SULF2: variants seen among roughly 807,000 people sequenced by gnomAD.
SULF2 encodes extracellular sulfatase Sulf-2.
Under a neutral mutation model 107.7 loss-of-function variants are expected in SULF2, and 52 were observed. That is an observed-to-expected ratio of 0.48 (90% CI 0.39 to 0.61). The LOEUF is 0.61. SULF2 is among the 20% of genes least tolerant of loss of function. SULF2 has a pLI of 0.00. For synonymous variants in SULF2, 460 were observed against 464.3 expected, an observed-to-expected ratio of 0.99 and a Z score of 0.12; for missense variants, 993 against 1,177.3, an observed-to-expected ratio of 0.84 and a Z score of 2.29.
intron 3 of SULF2, among the ~76,000 whole-genome samples, chr20:47,727,934 T>G (rs995529904): frequency 1.8e-4 from 27 of 152,204 alleles, no homozygotes; most frequent in African/African-American, 6.3e-4. Flanking sequence ...GAAATTTCGC[T>G]TGAAGATGTG....
intron 1 of SULF2, among the ~76,000 whole-genome samples, chr20:47,765,132 A>G (rs2090500781): frequency 6.6e-6 from 1 of 152,082 alleles, no homozygotes; most frequent in South Asian, 2.1e-4. Flanking sequence ...CGGGCGGATC[A>G]CGAGGTCAGG....
chr20:47,698,267 C>G (rs2088449875), intron 4 of SULF2, among the ~76,000 whole-genome samples: 1 of 152,214 alleles, frequency 6.6e-6, no homozygotes, highest in Non-Finnish European at 1.5e-5. Flanking sequence ...CTATTCCCAG[C>G]CAACGTTCCA....
At chr20:47,718,066 C>T (rs1436105976) in intron 3 of SULF2, among the ~76,000 whole-genome samples, 1 of 152,132 alleles carries the variant, frequency 6.6e-6, no homozygotes, top group East Asian at 1.9e-4. Flanking sequence ...ATCCACCTGC[C>T]TCGGCCTCCC....
At chr20:47,702,769 G>T in intron 3 of SULF2, 99 bp from the exon 4 acceptor site, 1 of 1,124,262 alleles carries the variant, frequency 8.9e-7, no homozygotes, top group Non-Finnish European at 1.3e-6. Flanking sequence ...CACCTGCTCT[G>T]CCATGGAGCC....
chr20:47,684,252 G>C (rs1364164217), intron 6 of SULF2, 179 bp downstream of exon 6: 1 of 567,048 alleles, frequency 1.8e-6, no homozygotes, highest in South Asian at 2.8e-5. Flanking sequence ...TTTCATGAAG[G>C]AAGAGGCTTT....
intron 3 of SULF2, among the ~76,000 whole-genome samples, chr20:47,710,826 T>C (rs1049651139): frequency 2.6e-5 from 4 of 152,196 alleles, no homozygotes; most frequent in African/African-American, 7.2e-5. Context: ...CAGGCAGCTC[T>C]ACGGTGGAGG....
At chr20:47,677,415 TGTGTGTGTGTGTGTGC>T (rs1385826932) in intron 8 of SULF2, among the ~76,000 whole-genome samples, 2 of 144,370 alleles carry the variant, frequency 1.4e-5, no homozygotes, top group African/African-American at 5.1e-5. Context: ...TGTGTGTGTG[TGTGTGTGTGTGTGTGC>T]GCGCACACAC....
intron 3 of SULF2, among the ~76,000 whole-genome samples, chr20:47,713,210 G>A (rs753466728): frequency 6.6e-6 from 1 of 152,170 alleles, no homozygotes; most frequent in Non-Finnish European, 1.5e-5. Context: ...CCCTGCAGGG[G>A]ACACTGGGCA....
At chr20:47,685,573 G>A (rs1215994454) in intron 5 of SULF2, 1 of 152,062 alleles carries the variant, frequency 6.6e-6, no homozygotes, top group East Asian at 1.9e-4. Context: ...GGAGTGCAGT[G>A]GTGGGATCTC....
At chr20:47,696,640 A>G (rs1209436091) in intron 4 of SULF2, among the ~76,000 whole-genome samples, 1 of 152,258 alleles carries the variant, frequency 6.6e-6, no homozygotes, top group Non-Finnish European at 1.5e-5. Flanking sequence ...CAAATGAATC[A>G]GTAATATACA....
rs1364554250 is a variant in SULF2 at position 47,710,282 on chromosome 20, C to T, written c.416-7612G>A. 7.4e-5 allele frequency among the ~76,000 whole-genome samples: 11 copies of T among 148,556 alleles called. 1 individual carries two copies. Among genetic ancestry groups the T allele is most frequent in the African/African-American group, 2.9e-4 (11 of 38,354 alleles). ...GGAACTCCTGGGCTCAAGTGATCCT[C>T]CCGCCTTGGCCTCCCAAGGTGCTGG... On this transcript the variant is annotated intron_variant, in intron 3 of 20. Transcript: ENST00000688720.
chr20:47,746,998 T>A (rs1038457752), intron 2 of SULF2, among the ~76,000 whole-genome samples: 9,186 of 117,284 alleles, frequency 0.078, 287 homozygotes, highest in East Asian at 0.11. Flanking sequence ...AAAAAAAATA[T>A]ATATATATAT....
chr20:47,684,273 G>A, intron 6 of SULF2, 158 bp downstream of exon 6: 1 of 701,318 alleles, frequency 1.4e-6, no homozygotes, highest in Non-Finnish European at 2.2e-6. Context: ...TGTCTGGATT[G>A]CTCCAAGCTG....
chr20:47,784,989 C>G (rs552964060), intron 1 of SULF2, among the ~76,000 whole-genome samples: 1 of 152,288 alleles, frequency 6.6e-6, no homozygotes, highest in East Asian at 1.9e-4. Context: ...TCAACAAGGC[C>G]ATGCCCCTGC....
At chr20:47,711,941 GAT>G (rs1489395580) in intron 3 of SULF2, among the ~76,000 whole-genome samples, 1 of 152,032 alleles carries the variant, frequency 6.6e-6, no homozygotes, top group African/African-American at 2.4e-5. Context: ...CACATGCATA[GAT>G]ATACAACATT....
At chr20:47,771,798 C>T (rs574231657) in intron 1 of SULF2, among the ~76,000 whole-genome samples, 3 of 152,308 alleles carry the variant, frequency 2.0e-5, no homozygotes, top group South Asian at 2.1e-4. Context: ...GAAGGATGCT[C>T]ATCATGCCTG....
At chr20:47,715,582 A>ATTT (rs11476982) in intron 3 of SULF2, among the ~76,000 whole-genome samples, 1 of 137,394 alleles carries the variant, frequency 7.3e-6, no homozygotes, top group African/African-American at 2.7e-5. Flanking sequence ...GGGAATGTCG[A>ATTT]TTTTTTTTTT....
chr20:47,677,543 G>C (rs1047819845), intron 8 of SULF2, among the ~76,000 whole-genome samples: 7 of 152,126 alleles, frequency 4.6e-5, no homozygotes, highest in African/African-American at 1.7e-4. Context: ...AGGCGCAGTG[G>C]TTTGGCGTCT....
intron 3 of SULF2, among the ~76,000 whole-genome samples, chr20:47,724,742 C>T (rs1191607988): frequency 1.3e-5 from 2 of 152,180 alleles, no homozygotes; most frequent in African/African-American, 4.8e-5. Context: ...AAATCCACAA[C>T]AGACCCTCAG....
Sources: gnomAD v4.1 joint callset for allele counts (sites outside exome capture counted in the v4.1 genomes callset) on GRCh38, gnomAD v4.1.1 for gene constraint, MANE v1.5 for transcripts, NCBI Gene and HGNC (gene_info 2026-07-23, HGNC 2026-07-21) for gene names.